Variants in ESRRG observed in about 807,000 individuals in gnomAD.
ESRRG encodes estrogen related receptor gamma, also known as estrogen-related receptor gamma.
In ESRRG, 13 loss-of-function variants were observed where a neutral mutation model predicts 44.0. The observed-to-expected ratio is 0.30, with a 90% CI of 0.19 to 0.47. The LOEUF (loss-of-function observed/expected upper bound fraction) is 0.47, where lower values mean the gene tolerates loss of function less well. Ranked by LOEUF, ESRRG falls within the 20% of genes least tolerant of loss-of-function variation. The probability of loss-of-function intolerance (pLI) is 1.00; values close to 1 mark genes in which losing one functional copy is unlikely to be tolerated. For synonymous variants in ESRRG, 215 were observed against 214.6 expected (o/e 1.00, Z -0.02); for missense variants, 395 against 580.6 (o/e 0.68, Z 3.29).
At chr1:216,749,453 G>T (rs1213030714) in intron 2 of ESRRG, among the ~76,000 whole-genome samples, 1 of 152,204 alleles carries the variant, frequency 6.6e-6, no homozygotes, top group African/African-American at 2.4e-5. Flanking sequence ...AATACGCTGT[G>T]TGTGGGTCCA....
At chr1:216,703,483 G>C (rs2081833921) in intron 1 of ESRRG, among the ~76,000 whole-genome samples, 2 of 152,006 alleles carry the variant, frequency 1.3e-5, no homozygotes, top group African/African-American at 4.8e-5. Flanking sequence ...AGCAAACAGT[G>C]TTCCAGTGAC....
intron 2 of ESRRG, among the ~76,000 whole-genome samples, chr1:216,795,017 A>G (rs2094435151): frequency 6.6e-6 from 1 of 152,162 alleles, no homozygotes; most frequent in South Asian, 2.1e-4. Context: ...TAAGAAATTC[A>G]CTAAAATATT....
chr1:217,082,239 C>T (rs960218938), intron 1 of ESRRG, among the ~76,000 whole-genome samples: 1 of 152,124 alleles, frequency 6.6e-6, no homozygotes, highest in African/African-American at 2.4e-5. Flanking sequence ...TGGAGCTGAG[C>T]AAATTCACCT....
intron 1 of ESRRG, among the ~76,000 whole-genome samples, chr1:217,014,494 A>G (rs944117484): frequency 5.9e-5 from 9 of 152,222 alleles, no homozygotes; most frequent in South Asian, 2.1e-4. Flanking sequence ...GTGCTTTCCA[A>G]TATGGCTTTC....
chr1:217,085,889 A>T (rs899035482), intron 1 of ESRRG, among the ~76,000 whole-genome samples: 4 of 152,122 alleles, frequency 2.6e-5, no homozygotes, highest in Non-Finnish European at 5.9e-5. Flanking sequence ...CTTTGCTCTG[A>T]TTCCTAAAGC....
chr1:216,999,322 C>T (rs1579281134), intron 1 of ESRRG, among the ~76,000 whole-genome samples: 1 of 152,192 alleles, frequency 6.6e-6, no homozygotes, highest in African/African-American at 2.4e-5. Context: ...GTTATGGGTA[C>T]TATCCATAAG....
intron 1 of ESRRG, among the ~76,000 whole-genome samples, chr1:216,979,142 C>G (rs2073492398): frequency 6.6e-6 from 1 of 152,144 alleles, no homozygotes; most frequent in Admixed American, 6.6e-5. Context: ...ACTGCAAAGT[C>G]TCTCTAAACC....
intron 1 of ESRRG, among the ~76,000 whole-genome samples, chr1:217,108,053 C>A (rs1186495249): frequency 6.6e-6 from 1 of 151,670 alleles, no homozygotes; most frequent in Non-Finnish European, 1.5e-5. Flanking sequence ...AAATTAAAAA[C>A]AAATACTCTA....
chr1:217,136,194 C>T (rs1254386057), intron 1 of ESRRG, among the ~76,000 whole-genome samples: 1 of 152,054 alleles, frequency 6.6e-6, no homozygotes. Flanking sequence ...GGGCGGAGGG[C>T]GATCCGGAGC....
At position 216,729,423 on chromosome 1, in the gene ESRRG, T is replaced by G. The variant is rs551575812; in HGVS notation, c.-13-51932A>C. Among the ~76,000 whole-genome samples the G allele has an allele frequency of 1.3e-4, 20 of 152,344 alleles. 1 individual carries two copies. In the South Asian group the frequency reaches 4.1e-3, roughly 32 times the overall value. On this transcript the variant is annotated intron_variant, in intron 2 of 7. Transcript: ENST00000359162. ...AAAATTTTAAAACTGAACAGAGAGA[T>G]GCAAGAGAAAGGCATTGTAATTCAT...
chr1:216,972,484 T>G (rs1188294466), intron 1 of ESRRG, among the ~76,000 whole-genome samples: 1 of 152,160 alleles, frequency 6.6e-6, no homozygotes, highest in Admixed American at 6.6e-5. Flanking sequence ...AGAACCTCCA[T>G]GTTCATATAC....
chr1:216,961,301 A>G (rs1376622162), intron 1 of ESRRG, among the ~76,000 whole-genome samples: 1 of 152,216 alleles, frequency 6.6e-6, no homozygotes, highest in South Asian at 2.1e-4. Flanking sequence ...TAAGAAGACA[A>G]TATAACAGAA....
At chr1:217,133,631 T>TTCTTTCTC (rs1491192210) in intron 1 of ESRRG, among the ~76,000 whole-genome samples, 76 of 58,472 alleles carry the variant, frequency 1.3e-3, no homozygotes, top group South Asian at 2.5e-3. Context: ...CTTTCTTTCT[T>TTCTTTCTC]TCTCTCTCTC....
intron 1 of ESRRG, among the ~76,000 whole-genome samples, chr1:217,085,792 C>T (rs765679976): frequency 4.6e-5 from 7 of 151,904 alleles, no homozygotes; most frequent in East Asian, 1.9e-4. Flanking sequence ...TGTGCCCAGC[C>T]GAGAAAGATC....
intron 1 of ESRRG, among the ~76,000 whole-genome samples, chr1:217,012,103 G>A (rs1385023657): frequency 6.6e-6 from 1 of 152,022 alleles, no homozygotes; most frequent in Non-Finnish European, 1.5e-5. Flanking sequence ...ACTTTGGAGG[G>A]GACCCATGAA....
chr1:216,680,425 A>G (rs1053752473), intron 1 of ESRRG, among the ~76,000 whole-genome samples: 2 of 152,196 alleles, frequency 1.3e-5, no homozygotes, highest in Non-Finnish European at 2.9e-5. Flanking sequence ...AGAGTTTTTA[A>G]TGGTGTTTAT....
intron 2 of ESRRG, among the ~76,000 whole-genome samples, chr1:216,816,486 A>C (rs1047244025): frequency 2.0e-5 from 3 of 152,228 alleles, no homozygotes; most frequent in Admixed American, 6.5e-5. Context: ...GTGAATACTA[A>C]CATAATGCCT....
chr1:216,638,294 G>T (rs1053033344), intron 3 of ESRRG, among the ~76,000 whole-genome samples: 1 of 152,094 alleles, frequency 6.6e-6, no homozygotes, highest in East Asian at 1.9e-4. Context: ...CATTTCATAG[G>T]TAAGGCTTAA....
chr1:216,693,236 C>CT (rs565969577), intron 1 of ESRRG, among the ~76,000 whole-genome samples: 1 of 152,100 alleles, frequency 6.6e-6, no homozygotes, highest in African/African-American at 2.4e-5. Context: ...CAGTTAACAT[C>CT]TTTTTTTGTG....
Sources: gnomAD v4.1 joint callset for allele counts (sites outside exome capture counted in the v4.1 genomes callset) on GRCh38, gnomAD v4.1.1 for gene constraint, MANE v1.5 for transcripts, NCBI Gene and HGNC (gene_info 2026-07-23, HGNC 2026-07-21) for gene names.